Variants in LRP1B observed in about 807,000 individuals in gnomAD.
The protein encoded by LRP1B is LDL receptor related protein 1B.
Under a neutral mutation model 556.6 loss-of-function variants are expected in LRP1B, and 217 were observed. The ratio of observed to expected loss-of-function variants is 0.39; its 90% CI spans 0.35 to 0.44. LRP1B has a LOEUF of 0.44. Among genes scored for constraint, LRP1B ranks in the 20% least tolerant of loss-of-function variants. The pLI is 1.00. For synonymous variants in LRP1B, 2,047 were observed against 1,865.8 expected (o/e 1.10, Z -2.50); for missense variants, 5,053 against 5,620.8 (o/e 0.90, Z 3.23).
chr2:141,325,299 C>A (rs1254871178), intron 3 of LRP1B, among the ~76,000 whole-genome samples: 1 of 151,988 alleles, frequency 6.6e-6, no homozygotes, highest in Non-Finnish European at 1.5e-5. Context: ...ATTTATTTTT[C>A]TTGCACTCTA....
chr2:141,512,814 A>G (rs1478778495), intron 2 of LRP1B, among the ~76,000 whole-genome samples: 1 of 152,152 alleles, frequency 6.6e-6, no homozygotes, highest in East Asian at 1.9e-4. Flanking sequence ...CCAAGGACAG[A>G]TCAAAAGTAG....
At chr2:141,217,199 CT>C (rs1367083205) in intron 6 of LRP1B, among the ~76,000 whole-genome samples, 1 of 151,022 alleles carries the variant, frequency 6.6e-6, no homozygotes, top group Admixed American at 6.6e-5. Flanking sequence ...AGGCTTAGTG[CT>C]GTCCTCAGAA....
At chr2:142,100,416 G>T (rs1706532300) in intron 1 of LRP1B, among the ~76,000 whole-genome samples, 2 of 151,996 alleles carry the variant, frequency 1.3e-5, no homozygotes, top group South Asian at 4.1e-4. Flanking sequence ...GTGAATACCA[G>T]CTTTTAGAAA....
intron 35 of LRP1B, among the ~76,000 whole-genome samples, chr2:140,717,581 G>A (rs138808910): frequency 1.6e-3 from 241 of 152,136 alleles, no homozygotes; most frequent in African/African-American, 5.7e-3. Flanking sequence ...TGCATAAAGG[G>A]TAGTAATTAC....
chr2:141,128,361 TA>T (rs1701267499), intron 7 of LRP1B, among the ~76,000 whole-genome samples: 1 of 152,212 alleles, frequency 6.6e-6, no homozygotes, highest in South Asian at 2.1e-4. Context: ...TTAGATCAAG[TA>T]TTTCAATTTA....
intron 1 of LRP1B, among the ~76,000 whole-genome samples, chr2:141,868,251 T>C (rs1698477464): frequency 6.6e-6 from 1 of 152,180 alleles, no homozygotes; most frequent in African/African-American, 2.4e-5. Context: ...CTCGTTCCAG[T>C]ACATACCACA....
At chr2:140,746,137 T>G (rs888234792) in intron 35 of LRP1B, among the ~76,000 whole-genome samples, 7 of 152,126 alleles carry the variant, frequency 4.6e-5, no homozygotes, top group African/African-American at 1.7e-4. Context: ...ATGATAAATT[T>G]CATAAATAAA....
intron 9 of LRP1B, among the ~76,000 whole-genome samples, chr2:141,058,051 T>C (rs1372326217): frequency 6.6e-6 from 1 of 151,906 alleles, no homozygotes; most frequent in Non-Finnish European, 1.5e-5. Flanking sequence ...GACTATTTTG[T>C]CTGTTTTATT....
At chr2:142,028,805 T>A (rs2105191180) in intron 1 of LRP1B, among the ~76,000 whole-genome samples, 2 of 152,054 alleles carry the variant, frequency 1.3e-5, no homozygotes, top group South Asian at 4.1e-4. Flanking sequence ...TATAATTTCT[T>A]CATGCTCTCA....
intron 66 of LRP1B, among the ~76,000 whole-genome samples, chr2:140,430,976 CA>C (rs1685910417): frequency 6.6e-6 from 1 of 152,140 alleles, no homozygotes; most frequent in Non-Finnish European, 1.5e-5. Flanking sequence ...TCTAGGTAGA[CA>C]CTTTCACTGG....
chr2:140,549,923 A>C (rs538170611), intron 43 of LRP1B, among the ~76,000 whole-genome samples: 1 of 151,918 alleles, frequency 6.6e-6, no homozygotes, highest in African/African-American at 2.4e-5. Context: ...TTTGTTACAT[A>C]GGTATACACG....
At chr2:141,925,638 CT>C (rs1291116923) in intron 1 of LRP1B, among the ~76,000 whole-genome samples, 3 of 152,148 alleles carry the variant, frequency 2.0e-5, no homozygotes, top group African/African-American at 7.2e-5. Context: ...CCTTTTTACA[CT>C]TTAGCCTGGG....
At chr2:140,814,382 C>T (rs989766478) in intron 31 of LRP1B, among the ~76,000 whole-genome samples, 3 of 152,148 alleles carry the variant, frequency 2.0e-5, no homozygotes, top group African/African-American at 7.2e-5. Flanking sequence ...GAAATGACAG[C>T]TCCATTTTAC....
intron 25 of LRP1B, among the ~76,000 whole-genome samples, chr2:140,869,072 C>T (rs534085914): frequency 1.5e-4 from 23 of 152,090 alleles, no homozygotes; most frequent in African/African-American, 5.1e-4. Flanking sequence ...TGAATGATGC[C>T]TTTAACCTAT....
intron 3 of LRP1B, among the ~76,000 whole-genome samples, chr2:141,460,514 G>A (rs1681824703): frequency 6.6e-6 from 1 of 152,168 alleles, no homozygotes. Context: ...CATTTTGAAT[G>A]TAATGTGCAG....
Position 140,232,503 on chromosome 2 carries a change from G to A in LRP1B, c.*683C>T, listed in dbSNP as rs1392654233. ...GTTCTACCACCTAAATATAACTATTGCTTACAAGGTGTATACATTTAGTAC... is the reference window on the plus strand; with the variant it reads ...GTTCTACCACCTAAATATAACTATTACTTACAAGGTGTATACATTTAGTAC... On this transcript the variant is annotated 3_prime_UTR_variant, in exon 91 of 91. Coordinates refer to ENST00000389484, the MANE Select transcript of LRP1B (RefSeq NM_018557.3). 1 of 151,714 alleles carries A rather than the reference G, an allele frequency of 6.6e-6. No individual in the cohort carries two copies. The highest frequency in any genetic ancestry group is 2.4e-5 in the African/African-American group (1 of 41,306). The allele number at this position is 151,714 out of a possible 1,614,324, so 9.4% of individuals were successfully genotyped here. A position where few individuals can be genotyped will look rare whatever the true frequency, so the allele number is the denominator to read the frequency against.
intron 41 of LRP1B, among the ~76,000 whole-genome samples, chr2:140,604,067 A>C (rs980547312): frequency 1.6e-4 from 25 of 152,070 alleles, no homozygotes; most frequent in African/African-American, 6.0e-4. Context: ...ATGTAGTTTG[A>C]AAATAAAATA....
intron 1 of LRP1B, among the ~76,000 whole-genome samples, chr2:142,092,827 C>A (rs1226751200): frequency 6.6e-6 from 1 of 152,050 alleles, no homozygotes; most frequent in South Asian, 2.1e-4. Flanking sequence ...ATTCTATTTT[C>A]AGTTTTCCTT....
At chr2:141,108,334 C>CTTTTTTTTTTTTTTTTTTTTTTT (rs60275697) in intron 7 of LRP1B, among the ~76,000 whole-genome samples, 1 of 88,514 alleles carries the variant, frequency 1.1e-5, no homozygotes, top group Non-Finnish European at 2.1e-5. Context: ...TAATCTGTTT[C>CTTTTTTTTTTTTTTTTTTTTTTT]TTTTTTTTTT....
Sources: allele counts gnomAD v4.1 joint callset (sites outside exome capture counted in the v4.1 genomes callset), GRCh38; gene constraint gnomAD v4.1.1; transcripts MANE v1.5; gene names NCBI Gene and HGNC (gene_info 2026-07-23, HGNC 2026-07-21).